SLC5A4: variants seen among roughly 807,000 people sequenced by gnomAD.
SLC5A4 encodes the protein probable glucose sensor protein SLC5A4.
A neutral mutation model predicts 70.3 loss-of-function variants in SLC5A4; 55 were observed. The ratio of observed to expected loss-of-function variants is 0.78; its 90% CI spans 0.63 to 0.98. SLC5A4 has a LOEUF of 0.98. Among genes scored for constraint, SLC5A4 ranks in the 50% least tolerant of loss-of-function variants. SLC5A4 has a pLI of 0.00. For missense variants in SLC5A4, 735 were observed against 839.2 expected (o/e 0.88, Z 1.53); for synonymous variants, 268 against 305.7 (o/e 0.88, Z 1.29).
chr22:32,315,363 T>G, the SLC5A4 span, among the ~76,000 whole-genome samples: 1 of 152,188 alleles, frequency 6.6e-6, no homozygotes, highest in Non-Finnish European at 1.5e-5. Context: ...TATGTCATAT[T>G]CATATATAGT....
chr22:32,326,510 C>G, the SLC5A4 span, among the ~76,000 whole-genome samples: 1 of 152,064 alleles, frequency 6.6e-6, no homozygotes, highest in Non-Finnish European at 1.5e-5. Flanking sequence ...CCGCCTCGGC[C>G]TCTCAAAGTG....
At chr22:32,309,456 G>A in the SLC5A4 span, among the ~76,000 whole-genome samples, 1 of 152,126 alleles carries the variant, frequency 6.6e-6, no homozygotes, top group African/African-American at 2.4e-5. Context: ...TAAAAAATCA[G>A]GTTGAGTTGC....
At chr22:32,220,474 AT>A (rs1266034699) in intron 14 of SLC5A4, among the ~76,000 whole-genome samples, 3 of 152,160 alleles carry the variant, frequency 2.0e-5, no homozygotes, top group South Asian at 2.1e-4. Flanking sequence ...AAGAATAAGC[AT>A]TTTTTTTCCC....
At chr22:32,312,783 C>A in the SLC5A4 span, among the ~76,000 whole-genome samples, 10 of 152,010 alleles carry the variant, frequency 6.6e-5, no homozygotes, top group Non-Finnish European at 5.9e-5. Context: ...TATTTCAGAT[C>A]TCATCTCCCC....
intron 5 of SLC5A4, among the ~76,000 whole-genome samples, chr22:32,239,527 TA>T (rs1354500505): frequency 3.6e-4 from 3 of 8,424 alleles, no homozygotes; most frequent in African/African-American, 1.8e-3. Context: ...ATTATATATA[TA>T]TATATATATA....
At chr22:32,300,847 T>G in the SLC5A4 span, among the ~76,000 whole-genome samples, 1 of 151,896 alleles carries the variant, frequency 6.6e-6, no homozygotes, top group Admixed American at 6.5e-5. Context: ...ATCATTTTAT[T>G]TCTGTCATAA....
the SLC5A4 span, chr22:32,269,541 T>C: frequency 1.6e-6 from 1 of 621,650 alleles, no homozygotes; most frequent in South Asian, 1.4e-5. The surrounding 1 kb of genome is among the most constrained non-coding windows in gnomAD (Gnocchi z 4.1). Flanking sequence ...GTGGCCATCT[T>C]GCTAACATCA....
At chr22:32,311,139 C>T in the SLC5A4 span, among the ~76,000 whole-genome samples, 256 of 152,328 alleles carry the variant, frequency 1.7e-3, 1 homozygote, top group African/African-American at 5.7e-3. Flanking sequence ...CCCAGGTCCA[C>T]GAGGGTCTCA....
the SLC5A4 span, among the ~76,000 whole-genome samples, chr22:32,285,775 C>T: frequency 5.3e-5 from 8 of 151,024 alleles, no homozygotes; most frequent in African/African-American, 1.7e-4. Flanking sequence ...CTCACTCTGT[C>T]GCCCAGGCTG....
the SLC5A4 span, among the ~76,000 whole-genome samples, chr22:32,336,332 T>G: frequency 6.6e-6 from 1 of 152,232 alleles, no homozygotes; most frequent in South Asian, 2.1e-4. Flanking sequence ...CAGATTCACC[T>G]GGGCCTTTGT....
At chr22:32,295,288 A>G in the SLC5A4 span, among the ~76,000 whole-genome samples, 34 of 102,528 alleles carry the variant, frequency 3.3e-4, 5 homozygotes, top group African/African-American at 1.2e-3. Context: ...CCAACAGTGT[A>G]AAAGTGTTCC....
the SLC5A4 span, among the ~76,000 whole-genome samples, chr22:32,328,961 C>T: frequency 6.6e-6 from 1 of 152,232 alleles, no homozygotes; most frequent in Non-Finnish European, 1.5e-5. Context: ...GCTGTGGAGC[C>T]AGGCTGCCTG....
At chr22:32,231,205 T>C (rs1925743362) in intron 9 of SLC5A4, 130 bp from the exon 10 acceptor site, 1 of 666,408 alleles carries the variant, frequency 1.5e-6, no homozygotes, top group East Asian at 2.7e-5. Flanking sequence ...GATTCAATTT[T>C]GAACTCCATA....
At chr22:32,263,160 T>C in the SLC5A4 span, among the ~76,000 whole-genome samples, 1 of 151,564 alleles carries the variant, frequency 6.6e-6, no homozygotes, top group African/African-American at 2.4e-5. Flanking sequence ...CCACCATGCC[T>C]GGCTAGTTTT....
the SLC5A4 span, among the ~76,000 whole-genome samples, chr22:32,341,364 T>C: frequency 1.3e-5 from 2 of 152,180 alleles, no homozygotes; most frequent in Non-Finnish European, 2.9e-5. Context: ...CAGGAGCCTG[T>C]GGGGCAGAGG....
the SLC5A4 span, among the ~76,000 whole-genome samples, chr22:32,339,414 T>G: frequency 6.6e-6 from 1 of 152,174 alleles, no homozygotes; most frequent in African/African-American, 2.4e-5. Context: ...TACCTGCAGT[T>G]GCCCACTGGC....
intron 14 of SLC5A4, 93 bp from the exon 15 acceptor site, chr22:32,218,818 G>T (rs2123854092): frequency 1.2e-6 from 1 of 852,774 alleles, no homozygotes; most frequent in Non-Finnish European, 1.8e-6. Flanking sequence ...TGTAAAAAAT[G>T]ATTACAATCA....
At chr22:32,288,241 A>G in the SLC5A4 span, among the ~76,000 whole-genome samples, 31 of 152,136 alleles carry the variant, frequency 2.0e-4, no homozygotes, top group Non-Finnish European at 4.4e-4. Flanking sequence ...TACATATGGG[A>G]AAAACAATGA....
the SLC5A4 span, among the ~76,000 whole-genome samples, chr22:32,266,268 T>A: frequency 3.9e-5 from 6 of 152,158 alleles, no homozygotes; most frequent in African/African-American, 1.4e-4. Flanking sequence ...GCCCGTGTCT[T>A]TTGGTGGGCG....
Sources: gnomAD v4.1 joint callset for allele counts (sites outside exome capture counted in the v4.1 genomes callset) on GRCh38, gnomAD v4.1.1 for gene constraint, Gnocchi (gnomAD v3.1) non-coding constraint, MANE v1.5 for transcripts, NCBI Gene and HGNC (gene_info 2026-07-23, HGNC 2026-07-21) for gene names.